Variants in NTRK3 observed in about 807,000 individuals in gnomAD.
NTRK3 encodes neurotrophic receptor tyrosine kinase 3.
A neutral mutation model predicts 91.7 loss-of-function variants in NTRK3; 24 were observed. That is an observed-to-expected ratio of 0.26 (90% CI 0.19 to 0.37). NTRK3 has a LOEUF of 0.37. Among genes scored for constraint, NTRK3 ranks in the 10% least tolerant of loss-of-function variants. NTRK3 has a pLI of 1.00. For synonymous variants in NTRK3, 483 were observed against 404.0 expected, an observed-to-expected ratio of 1.20 and a Z score of -2.34; for missense variants, 880 against 1,068.9, an observed-to-expected ratio of 0.82 and a Z score of 2.46.
At chr15:88,038,650 G>A (rs1300983844) in intron 13 of NTRK3, among the ~76,000 whole-genome samples, 1 of 152,128 alleles carries the variant, frequency 6.6e-6, no homozygotes, top group Non-Finnish European at 1.5e-5. Flanking sequence ...GGGTAGATGG[G>A]AAATCTCTGT....
chr15:87,888,827 A>G (rs1330535475), intron 17 of NTRK3, among the ~76,000 whole-genome samples: 5 of 152,016 alleles, frequency 3.3e-5, no homozygotes, highest in Non-Finnish European at 7.4e-5. Context: ...TTTTATTTGC[A>G]AAGTCTGGCA....
chr15:88,056,241 T>G (rs990666017), intron 13 of NTRK3, among the ~76,000 whole-genome samples: 2 of 142,882 alleles, frequency 1.4e-5, no homozygotes, highest in African/African-American at 5.1e-5. Flanking sequence ...TATGGAAGAG[T>G]TAAAGAAATA....
At chr15:87,957,315 A>G (rs2071769778) in intron 14 of NTRK3, among the ~76,000 whole-genome samples, 1 of 152,222 alleles carries the variant, frequency 6.6e-6, no homozygotes. Context: ...TCATATAATT[A>G]TCACCAAGAA....
chr15:88,091,571 G>C (rs1325669535), intron 13 of NTRK3, among the ~76,000 whole-genome samples: 3 of 152,178 alleles, frequency 2.0e-5, no homozygotes, highest in East Asian at 1.9e-4. Flanking sequence ...CACAAGGGTA[G>C]GGAGATCACA....
intron 14 of NTRK3, among the ~76,000 whole-genome samples, chr15:88,027,008 TC>T: frequency 6.6e-6 from 1 of 152,234 alleles, no homozygotes; most frequent in African/African-American, 2.4e-5. Context: ...GCTGTCCTTA[TC>T]CTAGAAACAG....
Position 88,237,145 on chromosome 15 carries a change from T to C in NTRK3, c.248+18761A>G, listed in dbSNP as rs758392178. Among the ~76,000 whole-genome samples the C allele has an allele frequency of 5.9e-5, 9 of 151,654 alleles. No individual in the cohort carries two copies. The highest frequency in any genetic ancestry group is 1.3e-4 in the Non-Finnish European group (9 of 67,960). ...CAGAAAAATAGGATGGGTTAAGGAG[T>C]GGATAGAGGGCTGGACAGATGGATA... On this transcript the variant is annotated intron_variant, in intron 3 of 18. Coordinates refer to ENST00000394480, the Ensembl canonical transcript of NTRK3. The surrounding 1 kb of genome is among the most constrained non-coding windows in gnomAD (Gnocchi z 4.0).
At chr15:88,167,475 T>C (rs1227061337) in intron 5 of NTRK3, among the ~76,000 whole-genome samples, 3 of 152,244 alleles carry the variant, frequency 2.0e-5, no homozygotes, top group African/African-American at 7.2e-5. Context: ...CTGTGTGGTC[T>C]TGGACAATGC....
chr15:88,005,675 G>A (rs2076436229), intron 14 of NTRK3, among the ~76,000 whole-genome samples: 1 of 152,060 alleles, frequency 6.6e-6, no homozygotes, highest in South Asian at 2.1e-4. Flanking sequence ...CACTGCCTAA[G>A]GGCCAGAGCA....
At chr15:88,121,696 A>G (rs555883977) in intron 13 of NTRK3, among the ~76,000 whole-genome samples, 2 of 152,344 alleles carry the variant, frequency 1.3e-5, no homozygotes, top group East Asian at 3.9e-4. Context: ...CTGACAATCA[A>G]AGAGTTAATG....
chr15:87,996,245 A>AAAAATAAAAT (rs539386167), intron 14 of NTRK3, among the ~76,000 whole-genome samples: 2 of 152,146 alleles, frequency 1.3e-5, no homozygotes, highest in African/African-American at 4.8e-5. Context: ...CTCCGTCTCT[A>AAAAATAAAAT]AAAATAAAAT....
At chr15:88,128,559 AC>A in intron 11 of NTRK3, 151 bp downstream of exon 11, 1 of 823,704 alleles carries the variant, frequency 1.2e-6, no homozygotes, top group East Asian at 2.5e-5. Context: ...AAGCATTGCT[AC>A]CCTTCATTTC....
At chr15:88,035,850 C>T (rs919369558) in intron 13 of NTRK3, among the ~76,000 whole-genome samples, 6 of 152,036 alleles carry the variant, frequency 3.9e-5, no homozygotes, top group Non-Finnish European at 7.4e-5. Context: ...ATATTTAAAA[C>T]GTGAACAATT....
intron 13 of NTRK3, 64 bp from the exon 14 acceptor site, chr15:88,033,109 C>T: frequency 6.8e-7 from 1 of 1,477,750 alleles, no homozygotes. Context: ...CCAGCCCTGT[C>T]CACAGACAAC....
intron 3 of NTRK3, among the ~76,000 whole-genome samples, chr15:88,184,915 A>T (rs988386768): frequency 6.6e-6 from 1 of 152,206 alleles, no homozygotes. Context: ...AGTGGGGGCC[A>T]CCTAAGGATC....
At chr15:87,914,408 G>A (rs7182329) in intron 17 of NTRK3, among the ~76,000 whole-genome samples, 72,458 of 152,002 alleles carry the variant, frequency 0.48, 18,964 homozygotes, top group African/African-American at 0.71. Context: ...TTTCAAATAC[G>A]CATACTCAGA....
At chr15:88,199,012 A>G (rs1210881262) in intron 3 of NTRK3, among the ~76,000 whole-genome samples, 1 of 152,152 alleles carries the variant, frequency 6.6e-6, no homozygotes, top group Non-Finnish European at 1.5e-5. Context: ...CTGATATTTG[A>G]GACAAGTAAC....
At chr15:87,961,215 A>T (rs2072251252) in intron 14 of NTRK3, among the ~76,000 whole-genome samples, 3 of 152,168 alleles carry the variant, frequency 2.0e-5, no homozygotes, top group South Asian at 4.1e-4. Context: ...GTGGTATATG[A>T]CTTCCCTGTG....
chr15:88,063,786 C>T (rs965736878), intron 13 of NTRK3, among the ~76,000 whole-genome samples: 1 of 152,168 alleles, frequency 6.6e-6, no homozygotes, highest in Non-Finnish European at 1.5e-5. Context: ...ATGAACCACT[C>T]CCCACAACTT....
chr15:87,874,210 C>CT (rs558697890), exon 19 of NTRK3: 124,407 of 200,824 alleles, frequency 0.62, 35,093 homozygotes, highest in African/African-American at 0.65. Context: ...CAAAATAAAT[C>CT]TTTTTTTTTT....
Sources: gnomAD v4.1 joint callset for allele counts (sites outside exome capture counted in the v4.1 genomes callset) on GRCh38, gnomAD v4.1.1 for gene constraint, Gnocchi (gnomAD v3.1) non-coding constraint, MANE v1.5 for transcripts, NCBI Gene and HGNC (gene_info 2026-07-23, HGNC 2026-07-21) for gene names.